RELN: variants seen among roughly 807,000 people sequenced by gnomAD.
RELN encodes reelin.
Under a neutral mutation model 427.6 loss-of-function variants are expected in RELN, and 108 were observed. The ratio of observed to expected loss-of-function variants is 0.25; its 90% confidence interval spans 0.22 to 0.30. RELN has a LOEUF of 0.30. Among genes scored for constraint, RELN ranks in the 10% least tolerant of loss-of-function variants. The pLI is 1.00. For missense variants in RELN, 3,715 were observed against 4,302.8 expected, an observed-to-expected ratio of 0.86 and a Z score of 3.82; for synonymous variants, 1,524 against 1,513.4, an observed-to-expected ratio of 1.01 and a Z score of -0.16.
chr7:103,586,755 A>G (rs945206549), intron 28 of RELN, among the ~76,000 whole-genome samples: 1 of 152,220 alleles, frequency 6.6e-6, no homozygotes, highest in African/African-American at 2.4e-5. Flanking sequence ...GAAGCTGAGT[A>G]CAAAATCAAG....
chr7:103,965,612 AT>A (rs1796645009), intron 1 of RELN, among the ~76,000 whole-genome samples: 1 of 152,126 alleles, frequency 6.6e-6, no homozygotes. Context: ...ATTCTAAATA[AT>A]CCATTTGGGC....
chr7:103,847,043 AT>A lies in RELN; in HGVS notation c.338-13372del, dbSNP rs1330179863. On this transcript the variant is annotated intron_variant, in intron 2 of 64. Coordinates refer to ENST00000428762, the MANE Select transcript of RELN (RefSeq NM_005045.4). ...TCAAGGATCTAGAAACAGAAATACCATTTGACTCAGCAATCCCATCACTGGG... is the reference window on the plus strand; with the variant it reads ...TCAAGGATCTAGAAACAGAAATACCATTGACTCAGCAATCCCATCACTGGG... 2.6e-5 allele frequency among the ~76,000 whole-genome samples: 4 copies of A among 152,306 alleles called. No homozygotes were observed. The East Asian group carries it at 5.8e-4, about 22-fold the overall frequency.
intron 1 of RELN, among the ~76,000 whole-genome samples, chr7:103,955,918 A>G (rs1381708573): frequency 6.6e-6 from 1 of 152,168 alleles, no homozygotes; most frequent in Non-Finnish European, 1.5e-5. Context: ...CTCCTAAGGT[A>G]TGTATCAGAT....
rs1036648902 is a variant in RELN, at chr7:103,502,864, G to A, written c.8489+152C>T. On this transcript the variant is annotated intron_variant, in intron 52 of 64. Transcript: ENST00000428762. ...GAAGTTAGCTCATCATGGAAGTTAT[G>A]ATGAAAGTAACCAATTAGAGAACCT... 6.8e-6 allele frequency: 5 copies of A among 732,414 alleles called. No individual in the cohort carries two copies. The African/African-American group carries it at 8.8e-5, about 13-fold the overall frequency. The allele number at this position is 732,414 out of a possible 1,614,324, so 45.4% of individuals were successfully genotyped here.
chr7:103,908,912 C>T (rs1267313447), intron 2 of RELN, among the ~76,000 whole-genome samples: 1 of 152,122 alleles, frequency 6.6e-6, no homozygotes, highest in Non-Finnish European at 1.5e-5. Context: ...CTGGAGTCTT[C>T]TTGTTAATTA....
chr7:103,689,659 A>G (rs1374241641), intron 10 of RELN, among the ~76,000 whole-genome samples: 2 of 152,028 alleles, frequency 1.3e-5, no homozygotes, highest in Non-Finnish European at 2.9e-5. Context: ...ATTCAGAAAC[A>G]CTGCTTCATG....
intron 41 of RELN, among the ~76,000 whole-genome samples, chr7:103,550,605 C>T (rs972391817): frequency 2.0e-5 from 3 of 146,640 alleles, no homozygotes; most frequent in African/African-American, 5.0e-5. Flanking sequence ...CTGGGGGCAA[C>T]GTGCTAACTT....
chr7:103,522,253 G>A lies in RELN; in HGVS notation c.7491-54C>T, dbSNP rs1283290165. On this transcript the variant is annotated intron_variant, in intron 47 of 64. Transcript: ENST00000428762. ...TCAACATCAGACAAAGCCCCTGCAA[G>A]CTTGTTCTCAAATTAGTGAAGACTA... The A allele has an allele frequency of 1.0e-5, 16 of 1,567,750 alleles. No homozygotes were observed. The East Asian group carries it at 3.4e-4, about 33-fold the overall frequency.
intron 1 of RELN, among the ~76,000 whole-genome samples, chr7:103,983,863 CTGTGTGTGTGTGTGTGTG>C (rs59702742): frequency 6.7e-6 from 1 of 148,542 alleles, no homozygotes; most frequent in East Asian, 2.0e-4. Context: ...CTTCATATTT[CTGTGTGTGTGTGTGTGTG>C]TGTGTGTGTG....
intron 10 of RELN, among the ~76,000 whole-genome samples, chr7:103,685,533 T>G (rs548953551): frequency 6.6e-6 from 1 of 152,120 alleles, no homozygotes; most frequent in South Asian, 2.1e-4. Context: ...AAGCATTTAT[T>G]TGGGGTAAAA....
chr7:103,531,618 C>A (rs147793828), intron 46 of RELN, among the ~76,000 whole-genome samples: 1 of 152,232 alleles, frequency 6.6e-6, no homozygotes, highest in East Asian at 1.9e-4. Flanking sequence ...TCATTGCCTC[C>A]CATGTCTCTT....
chr7:103,959,572 A>G (rs1796504472), intron 1 of RELN, among the ~76,000 whole-genome samples: 1 of 152,130 alleles, frequency 6.6e-6, no homozygotes, highest in African/African-American at 2.4e-5. Flanking sequence ...AAGTTGCTCA[A>G]GTCAGAACTC....
At chr7:103,820,120 GT>G (rs1792978479) in intron 3 of RELN, among the ~76,000 whole-genome samples, 1 of 151,884 alleles carries the variant, frequency 6.6e-6, no homozygotes, top group African/African-American at 2.4e-5. Flanking sequence ...AAATAAGGAA[GT>G]CTGAAAAATG....
At chr7:103,826,489 A>T (rs1793144941) in intron 3 of RELN, among the ~76,000 whole-genome samples, 1 of 152,092 alleles carries the variant, frequency 6.6e-6, no homozygotes, top group Non-Finnish European at 1.5e-5. Flanking sequence ...CAGAGACTTT[A>T]CTAAAAATAG....
chr7:103,694,302 G>A (rs1341326003), intron 10 of RELN, among the ~76,000 whole-genome samples: 1 of 152,164 alleles, frequency 6.6e-6, no homozygotes. Context: ...GCAACTGAGA[G>A]CAAGAGTTCT....
intron 4 of RELN, among the ~76,000 whole-genome samples, chr7:103,772,708 A>G (rs573402130): frequency 6.6e-6 from 1 of 152,346 alleles, no homozygotes; most frequent in South Asian, 2.1e-4. Flanking sequence ...CTTGGAGAGT[A>G]TAGGGTGCAG....
At position 103,589,402 on chromosome 7, in the gene RELN, T is replaced by C. The variant is rs2058379; in HGVS notation, c.4145+194A>G. ...AATAAGTATTGTGTAAAGTGGCCTA[T>C]GAAGTGTTCTGTCATGTTTTTATGT... On this transcript the variant is annotated intron_variant, in intron 28 of 64. Coordinates refer to ENST00000428762, the MANE Select transcript of RELN (RefSeq NM_005045.4). 0.75 allele frequency among the ~76,000 whole-genome samples: 114,500 copies of C among 152,206 alleles called. 43,620 individuals are homozygous for C. The highest frequency in any genetic ancestry group is 0.86 in the African/African-American group (35,760 of 41,546).
At chr7:103,911,213 CA>C (rs1209174952) in intron 2 of RELN, among the ~76,000 whole-genome samples, 1 of 141,600 alleles carries the variant, frequency 7.1e-6, no homozygotes, top group Non-Finnish European at 1.5e-5. Context: ...AGACACTTCT[CA>C]AAAGAAGACA....
chr7:103,784,597 A>C (rs1247513036), intron 3 of RELN, among the ~76,000 whole-genome samples: 1 of 152,128 alleles, frequency 6.6e-6, no homozygotes, highest in Non-Finnish European at 1.5e-5. Flanking sequence ...ATAACGGCAA[A>C]AAGGATACAT....
Sources: gnomAD v4.1 joint callset for allele counts (sites outside exome capture counted in the v4.1 genomes callset) on GRCh38, gnomAD v4.1.1 for gene constraint, MANE v1.5 for transcripts, NCBI Gene and HGNC (gene_info 2026-07-23, HGNC 2026-07-21) for gene names.